The following LRRIQ4 variants were observed in gnomAD, a reference collection of about 807,000 sequenced individuals.
LRRIQ4 encodes the protein leucine rich repeats and IQ motif containing 4, also known as leucine-rich repeat and IQ domain-containing protein 4.
LRRIQ4 carries 21 observed loss-of-function variants against 40.1 expected under a neutral mutation model. The ratio of observed to expected loss-of-function variants is 0.52; its 90% confidence interval spans 0.37 to 0.75. LRRIQ4 has a LOEUF of 0.75. Ranked by LOEUF, LRRIQ4 falls within the 30% of genes least tolerant of loss-of-function variation. The probability of loss-of-function intolerance (pLI) is 0.00; values close to 1 mark genes in which losing one functional copy is unlikely to be tolerated. For synonymous variants in LRRIQ4, 277 were observed against 277.1 expected, an observed-to-expected ratio of 1.00 and a Z score of 0.00; for missense variants, 655 against 660.0, an observed-to-expected ratio of 0.99 and a Z score of 0.08.
At chr3:169,829,394 C>A (rs1322843665) in intron 3 of LRRIQ4, among the ~76,000 whole-genome samples, 1 of 152,134 alleles carries the variant, frequency 6.6e-6, no homozygotes, top group Non-Finnish European at 1.5e-5. Flanking sequence ...CTTCCTGGAT[C>A]TGCAGGGCTG....
chr3:169,834,494 G>C (rs1780262112), intron 5 of LRRIQ4, among the ~76,000 whole-genome samples: 1 of 152,188 alleles, frequency 6.6e-6, no homozygotes, highest in Non-Finnish European at 1.5e-5. Context: ...TTCTTAAAAT[G>C]ATATTTAACA....
At chr3:169,820,249 CTGTG>C (rs55800037) in intron 1 of LRRIQ4, among the ~76,000 whole-genome samples, 19,468 of 143,578 alleles carry the variant, frequency 0.14, 1,366 homozygotes, top group East Asian at 0.21. Flanking sequence ...CCCATAGACT[CTGTG>C]TGTGTGTGTG....
At chr3:169,830,377 GAAAAAAAAAAAAAAA>G (rs56795981) in intron 3 of LRRIQ4, 100 bp from the exon 4 acceptor site, 3,970 of 106,712 alleles carry the variant, frequency 0.037, 139 homozygotes, top group African/African-American at 0.14. Flanking sequence ...CACTGAAAGT[GAAAAAAAAAAAAAAA>G]AAAAAAAAAA....
chr3:169,820,197 G>A (rs1298822442), intron 1 of LRRIQ4, among the ~76,000 whole-genome samples: 6 of 151,598 alleles, frequency 4.0e-5, no homozygotes, highest in Non-Finnish European at 8.8e-5. Flanking sequence ...AGACGCTACC[G>A]CCAACCTTGC....
At chr3:169,815,049 A>G (rs1779735846) in intron 1 of LRRIQ4, among the ~76,000 whole-genome samples, 1 of 152,146 alleles carries the variant, frequency 6.6e-6, no homozygotes, top group South Asian at 2.1e-4. Context: ...TCTGCAATAT[A>G]ATTTTAATTT....
intron 4 of LRRIQ4, among the ~76,000 whole-genome samples, 159 bp from the exon 5 acceptor site, chr3:169,832,828 T>C (rs972286180): frequency 5.9e-5 from 9 of 152,194 alleles, no homozygotes; most frequent in African/African-American, 1.9e-4. Context: ...AGAACTTTTA[T>C]TAGATGGTAG....
rs1442934057 is a variant in LRRIQ4, at chr3:169,827,517, G to C, written c.1021-1242G>C. ...AGCTACTCGGGAGGCTGAGGCAGGA[G>C]AATGGCGTGAACCCGGGAAGCGGAG... On this transcript the variant is annotated intron_variant, in intron 2 of 5. Coordinates refer to ENST00000340806, the MANE Select transcript of LRRIQ4 (RefSeq NM_001080460.3). 2.0e-5 allele frequency among the ~76,000 whole-genome samples: 3 copies of C among 149,482 alleles called. No homozygotes were observed. In the East Asian group the frequency reaches 5.9e-4, roughly 30 times the overall value.
At chr3:169,830,235 A>G (rs1780130623) in intron 3 of LRRIQ4, among the ~76,000 whole-genome samples, 1 of 149,798 alleles carries the variant, frequency 6.7e-6, no homozygotes, top group Non-Finnish European at 1.5e-5. Context: ...ACAAATAAGC[A>G]CTAGATGTCT....
chr3:169,817,604 G>A (rs187737197), intron 1 of LRRIQ4, among the ~76,000 whole-genome samples: 38 of 152,258 alleles, frequency 2.5e-4, no homozygotes, highest in South Asian at 4.1e-4. Context: ...ACATAACTAG[G>A]TGATCCAGTG....
At chr3:169,816,606 T>C (rs1779775289) in intron 1 of LRRIQ4, among the ~76,000 whole-genome samples, 1 of 151,966 alleles carries the variant, frequency 6.6e-6, no homozygotes, top group African/African-American at 2.4e-5. Flanking sequence ...TTTATTAATT[T>C]TTTTGCATTG....
intron 4 of LRRIQ4, among the ~76,000 whole-genome samples, chr3:169,832,649 A>C (rs1161915730): frequency 6.6e-6 from 1 of 151,608 alleles, no homozygotes; most frequent in Non-Finnish European, 1.5e-5. Context: ...AAAAAAAAAA[A>C]AAAAATCAAT....
chr3:169,828,995 CTG>C (rs1780105250), intron 3 of LRRIQ4, 63 bp downstream of exon 3: 2 of 1,459,760 alleles, frequency 1.4e-6, no homozygotes, highest in African/African-American at 1.4e-5. Flanking sequence ...TTGGCTGAAA[CTG>C]AGAAAATATG....
chr3:169,814,013 C>T (rs1339033406), intron 1 of LRRIQ4, among the ~76,000 whole-genome samples: 1 of 152,118 alleles, frequency 6.6e-6, no homozygotes, highest in Non-Finnish European at 1.5e-5. Flanking sequence ...ACAGGGTGCT[C>T]TTTCAGTTTT....
chr3:169,816,587 A>G (rs2108262782), intron 1 of LRRIQ4, among the ~76,000 whole-genome samples: 1 of 151,598 alleles, frequency 6.6e-6, no homozygotes, highest in East Asian at 1.9e-4. Context: ...AAAAAACCCA[A>G]CTTTTCATTT....
intron 1 of LRRIQ4, among the ~76,000 whole-genome samples, chr3:169,816,432 C>T (rs1373281290): frequency 1.3e-5 from 2 of 151,894 alleles, no homozygotes; most frequent in African/African-American, 4.8e-5. Context: ...TCTAGGTTTC[C>T]CAATGTATTA....
At chr3:169,821,860 A>AT (rs1017664261) in intron 1 of LRRIQ4, 31 bp from the exon 2 acceptor site, 67 of 1,224,138 alleles carry the variant, frequency 5.5e-5, no homozygotes, top group South Asian at 1.4e-4. Flanking sequence ...GGTAAATTCT[A>AT]TTTTTTTTCA....
rs751270052 is a variant in LRRIQ4, at chr3:169,837,502, A to C, written c.1554A>C (p.Thr518=). The change falls in exon 6 of 6, where the codon ACA becomes ACC. Residue 518 remains threonine, a synonymous_variant. Transcript: ENST00000340806. ...ATKIQAWWRG[T]MVQRGFGKFG... ...AGATTCAGGCATGGTGGCGTGGAAC[A>C]ATGGTACAGAGAGGATTTGGGAAAT... 6.2e-7 allele frequency: 1 copy of C among 1,608,664 alleles called. No individual in the cohort carries two copies. The highest frequency in any genetic ancestry group is 2.2e-5 in the East Asian group (1 of 44,806).
At chr3:169,822,963 G>A in intron 2 of LRRIQ4, 22 bp downstream of exon 2, 1 of 1,494,302 alleles carries the variant, frequency 6.7e-7, no homozygotes, top group African/African-American at 1.4e-5. Context: ...TTTTCTGGCT[G>A]TCACTATGCT....
intron 1 of LRRIQ4, among the ~76,000 whole-genome samples, chr3:169,818,760 T>C (rs1028789404): frequency 6.6e-6 from 1 of 152,216 alleles, no homozygotes; most frequent in African/African-American, 2.4e-5. Flanking sequence ...TTTAGTTTGT[T>C]TGTGATTCAC....
Sources: gnomAD v4.1 joint callset for allele counts (sites outside exome capture counted in the v4.1 genomes callset) on GRCh38, gnomAD v4.1.1 for gene constraint, MANE v1.5 for transcripts, NCBI Gene and HGNC (gene_info 2026-07-23, HGNC 2026-07-21) for gene names.